The following TNFRSF1B variants were observed in gnomAD, a reference collection of about 807,000 sequenced individuals.
TNFRSF1B encodes the protein tumor necrosis factor receptor superfamily member 1B.
In TNFRSF1B, 19 loss-of-function variants were observed where a neutral mutation model predicts 44.6. The observed-to-expected ratio is 0.43, with a 90% CI of 0.30 to 0.62. The LOEUF is 0.62. Among genes scored for constraint, TNFRSF1B ranks in the 20% least tolerant of loss-of-function variants. The pLI is 0.16. For missense variants in TNFRSF1B, 541 were observed against 619.9 expected, an observed-to-expected ratio of 0.87 and a Z score of 1.35; for synonymous variants, 252 against 261.1, an observed-to-expected ratio of 0.97 and a Z score of 0.34.
Position 12,192,779 on chromosome 1 carries a change from G to T in TNFRSF1B, c.552-84G>T. 2.5e-6 allele frequency: 3 copies of T among 1,219,814 alleles called. No homozygotes were observed. The South Asian group carries it at 4.2e-5, about 17-fold the overall frequency. 75.6% of individuals were successfully genotyped at this position (1,219,814 alleles called of 1,614,324 possible). ...GCACACATCGTCACTCTCCTATCCT[G>T]CCTGCTGGGGCCCGTGAATGAGCCC... On this transcript the variant is annotated intron_variant, in intron 5 of 9. Transcript: ENST00000376259.
intron 3 of TNFRSF1B, among the ~76,000 whole-genome samples, chr1:12,191,553 C>T (rs574433175): frequency 6.7e-6 from 1 of 148,166 alleles, no homozygotes. Flanking sequence ...ACGAGCAGGA[C>T]TGCGGAGAGT....
intron 9 of TNFRSF1B, among the ~76,000 whole-genome samples, chr1:12,203,987 C>T (rs1409553387): frequency 6.6e-6 from 1 of 152,254 alleles, no homozygotes; most frequent in Non-Finnish European, 1.5e-5. Flanking sequence ...GCCTCGGCCT[C>T]CCGAAGGGCT....
chr1:12,186,065 T>C lies in TNFRSF1B; in HGVS notation c.79-2731T>C, dbSNP rs1638980404. 6.6e-6 allele frequency among the ~76,000 whole-genome samples: 1 copy of C among 152,036 alleles called. No homozygotes were observed. Among genetic ancestry groups the C allele is most frequent in the South Asian group, 2.1e-4 (1 of 4,828 alleles). On this transcript the variant is annotated intron_variant, in intron 1 of 9. Transcript: ENST00000376259. The surrounding 1 kb of genome is among the most constrained non-coding windows in gnomAD (Gnocchi z 4.8). Reference sequence around the variant, plus strand: ...CACCAGGCCATTCCAGGCATAGAAATCAGCTGGGGTGCAAAGGCCTGGGGG... The same window carrying C: ...CACCAGGCCATTCCAGGCATAGAAACCAGCTGGGGTGCAAAGGCCTGGGGG...
At chr1:12,193,514 A>G (rs1160065779) in intron 6 of TNFRSF1B, among the ~76,000 whole-genome samples, 1 of 152,236 alleles carries the variant, frequency 6.6e-6, no homozygotes. Flanking sequence ...TTGAGGCTGC[A>G]TTGAGCTCTG....
chr1:12,203,714 G>A (rs939490592), intron 9 of TNFRSF1B, among the ~76,000 whole-genome samples: 1 of 152,124 alleles, frequency 6.6e-6, no homozygotes, highest in African/African-American at 2.4e-5. Context: ...CCCAGTTCTT[G>A]GATTCGTCTG....
rs1417028933 is a variant in TNFRSF1B at position 12,168,470 on chromosome 1, C to T, written c.78+1301C>T. ...GTCAGGAGAGTCCCCACTCTAGGGC[C>T]GAGTGTGAATGGGGACGACCGTGGT... On this transcript the variant is annotated intron_variant, in intron 1 of 9. Transcript: ENST00000376259. This position sits in a 1 kb window ranked among gnomAD's most constrained non-coding sequence, Gnocchi z 4.7. 1.3e-5 allele frequency among the ~76,000 whole-genome samples: 2 copies of T among 152,052 alleles called. No individual in the cohort carries two copies. The highest frequency in any genetic ancestry group is 2.4e-5 in the African/African-American group (1 of 41,410).
At position 12,168,939 on chromosome 1, in the gene TNFRSF1B, C is replaced by T. The variant is rs931468833; in HGVS notation, c.78+1770C>T. Among the ~76,000 whole-genome samples, 1 of 152,092 alleles carries T rather than the reference C, an allele frequency of 6.6e-6. No individual in the cohort carries two copies. The highest frequency in any genetic ancestry group is 2.4e-5 in the African/African-American group (1 of 41,368). ...GGAGATCCCAGGCCAGAGTAAGGTA[C>T]CTGAACTCTTCCTCGCGCCTCCCTG... On this transcript the variant is annotated intron_variant, in intron 1 of 9. Coordinates refer to ENST00000376259, the MANE Select transcript of TNFRSF1B (RefSeq NM_001066.3). The surrounding 1 kb of genome is among the most constrained non-coding windows in gnomAD (Gnocchi z 4.7).
Position 12,167,099 on chromosome 1 carries a change from C to G in TNFRSF1B, c.8C>G (p.Pro3Arg). 7.5e-7 allele frequency: 1 copy of G among 1,335,024 alleles called. No individual in the cohort carries two copies. The highest frequency in any genetic ancestry group is 9.6e-7 in the Non-Finnish European group (1 of 1,039,812). The allele number at this position is 1,335,024 out of a possible 1,614,324, so 82.7% of individuals were successfully genotyped here. ...CGGACCCCGCCCGCACCCATGGCGC[C>G]CGTCGCCGTCTGGGCCGCGCTGGCC... is the stretch of plus-strand genomic sequence containing the variant. Reference protein sequence around the residue: MAPVAVWAALAVG... With the variant: MARVAVWAALAVG... The change falls in exon 1 of 10, where the codon CCC becomes CGC. Residue 3 changes from proline (P) to arginine (R), a missense_variant. By Grantham distance (103) the Pro-to-Arg change is moderately radical. Coordinates refer to ENST00000376259, the MANE Select transcript of TNFRSF1B (RefSeq NM_001066.3).
intron 1 of TNFRSF1B, among the ~76,000 whole-genome samples, chr1:12,183,699 T>TTCTATCTAC (rs1553163433): frequency 5.9e-5 from 6 of 102,264 alleles, no homozygotes; most frequent in African/African-American, 1.9e-4. Context: ...TATCTATCTA[T>TTCTATCTAC]CTATCTATCT....
rs143291844 is a variant in TNFRSF1B, at chr1:12,170,452, C to T, written c.78+3283C>T. Among the ~76,000 whole-genome samples, 772 of 152,318 alleles carry T rather than the reference C, an allele frequency of 5.1e-3. 1 individual carries two copies. Among genetic ancestry groups the T allele is most frequent in the Non-Finnish European group, 8.5e-3 (579 of 68,030 alleles). ...TGGGTGTGAAAGGCTGAGAACCTGC[C>T]GGGCATTCTTACGTCAGAGGTGACC... On this transcript the variant is annotated intron_variant, in intron 1 of 9. Transcript: ENST00000376259.
intron 1 of TNFRSF1B, 60 bp downstream of exon 1, chr1:12,167,229 G>A: frequency 8.4e-7 from 1 of 1,191,206 alleles, no homozygotes; most frequent in Non-Finnish European, 1.1e-6. Context: ...CGGCTGGTGC[G>A]CAGCCTTCGG....
intron 1 of TNFRSF1B, among the ~76,000 whole-genome samples, chr1:12,174,151 T>TCTTCTTCTTCTTCTTCTC (rs1638587302): frequency 1.0e-5 from 1 of 97,252 alleles, no homozygotes. Flanking sequence ...TTCTTCTTCT[T>TCTTCTTCTTCTTCTTCTC]CTTCTTCTTC....
At chr1:12,173,107 C>T (rs960154380) in intron 1 of TNFRSF1B, among the ~76,000 whole-genome samples, 12 of 152,196 alleles carry the variant, frequency 7.9e-5, no homozygotes, top group African/African-American at 2.9e-4. Context: ...GTTGGGAGAT[C>T]ACAGTTCCCA....
In TNFRSF1B at chr1:12,180,332, G is replaced by A. The variant is rs944062648; in HGVS notation, c.79-8464G>A. Among the ~76,000 whole-genome samples the A allele has an allele frequency of 3.9e-5, 6 of 152,152 alleles. No individual in the cohort carries two copies. The highest frequency in any genetic ancestry group is 1.2e-4 in the African/African-American group (5 of 41,434). ...AAAGAAGGCTGTGCTAATGGCGGCCGGAAGAGCAGAGGGCACCACAGATGC... is the reference window on the plus strand; with the variant it reads ...AAAGAAGGCTGTGCTAATGGCGGCCAGAAGAGCAGAGGGCACCACAGATGC... On this transcript the variant is annotated intron_variant, in intron 1 of 9. Coordinates refer to ENST00000376259, the MANE Select transcript of TNFRSF1B (RefSeq NM_001066.3). The surrounding 1 kb of genome is among the most constrained non-coding windows in gnomAD (Gnocchi z 4.3).
At position 12,184,508 on chromosome 1, in the gene TNFRSF1B, G is replaced by C. The variant is rs919777273; in HGVS notation, c.79-4288G>C. Among the ~76,000 whole-genome samples, 20 of 152,322 alleles carry C rather than the reference G, an allele frequency of 1.3e-4. 2 individuals carry two copies. Among genetic ancestry groups the C allele is most frequent in the Admixed American group, 3.9e-4 (6 of 15,308 alleles). ...GGGGCTGGAGCCACACAGAGCCAGG[G>C]AGGAAGTCCAGGGACGGTCACTCAC... is the stretch of plus-strand genomic sequence containing the variant. On this transcript the variant is annotated intron_variant, in intron 1 of 9. Coordinates refer to ENST00000376259, the MANE Select transcript of TNFRSF1B (RefSeq NM_001066.3).
At chr1:12,183,656 TTATCTATCTATCTATCTATC>T (rs76161807) in intron 1 of TNFRSF1B, among the ~76,000 whole-genome samples, 50 of 125,278 alleles carry the variant, frequency 4.0e-4, no homozygotes, top group South Asian at 1.4e-3. Flanking sequence ...TTTATCTATT[TTATCTATCTATCTATCTATC>T]TATCTATCTA....
At chr1:12,205,667 G>T (rs1467106645) in intron 9 of TNFRSF1B, among the ~76,000 whole-genome samples, 1 of 152,166 alleles carries the variant, frequency 6.6e-6, no homozygotes, top group South Asian at 2.1e-4. Context: ...TTTCGCCCAG[G>T]CTGGAGTGAA....
Position 12,191,830 on chromosome 1 carries a change from C to A in TNFRSF1B, c.364C>A (p.Pro122Thr), listed in dbSNP as rs1464943854. 1 of 1,613,212 alleles carries A rather than the reference C, an allele frequency of 6.2e-7. No individual in the cohort carries two copies. Among genetic ancestry groups the A allele is most frequent in the South Asian group, 1.1e-5 (1 of 91,072 alleles). Residue 122 changes from proline (P) to threonine (T), a missense_variant, in exon 4 of 10, where the codon CCC (proline) becomes ACC (threonine). Transcript: ENST00000376259. ...ACAGAACCGCATCTGCACCTGCAGG[C>A]CCGGCTGGTACTGCGCGCTGAGCAA... ...REQNRICTCR[P>T]GWYCALSKQE...
In TNFRSF1B at chr1:12,194,015, T is replaced by C; in HGVS notation, c.848T>C (p.Ile283Thr). The change falls in exon 7 of 10, where the codon ATC becomes ACC. Residue 283 changes from isoleucine to threonine, a missense_variant. Transcript: ENST00000376259. The stretch of plus-strand genomic sequence containing the variant: ...ATAATAGGAGTGGTGAACTGTGTCA[T>C]CATGACCCAGGTGAAAAGTAAGAGT... ...LLIIGVVNCV[I>T]MTQVKKKPLC... 6.2e-7 allele frequency: 1 copy of C among 1,614,042 alleles called. No homozygotes were observed. The highest frequency in any genetic ancestry group is 8.5e-7 in the Non-Finnish European group (1 of 1,179,930).
Sources: gnomAD v4.1 joint callset for allele counts (sites outside exome capture counted in the v4.1 genomes callset) on GRCh38, gnomAD v4.1.1 for gene constraint, Gnocchi (gnomAD v3.1) non-coding constraint, MANE v1.5 for transcripts, NCBI Gene and HGNC (gene_info 2026-07-23, HGNC 2026-07-21) for gene names.